The following PDE1C variants were observed in gnomAD, a reference collection of about 807,000 sequenced individuals.
PDE1C encodes phosphodiesterase 1C.
In PDE1C, 62 loss-of-function variants were observed where a neutral mutation model predicts 93.1. The observed-to-expected ratio is 0.67, with a 90% confidence interval of 0.54 to 0.82. The LOEUF is 0.82. Among genes scored for constraint, PDE1C ranks in the 40% least tolerant of loss-of-function variants. The pLI is 0.00. For missense variants in PDE1C, 742 were observed against 884.6 expected (o/e 0.84, Z 2.04); for synonymous variants, 325 against 310.1 (o/e 1.05, Z -0.50).
the PDE1C span, among the ~76,000 whole-genome samples, chr7:31,663,892 A>G: frequency 6.6e-6 from 1 of 152,152 alleles, no homozygotes; most frequent in African/African-American, 2.4e-5. Flanking sequence ...TTCTTTTTCC[A>G]GGATTACAGT....
intron 1 of PDE1C, among the ~76,000 whole-genome samples, chr7:32,341,975 G>C (rs1163609315): frequency 6.6e-6 from 1 of 152,078 alleles, no homozygotes; most frequent in Admixed American, 6.6e-5. Context: ...GATTAAATGA[G>C]TTAGTACATT....
At chr7:31,882,260 C>A (rs1352442308) in intron 2 of PDE1C, among the ~76,000 whole-genome samples, 3 of 152,166 alleles carry the variant, frequency 2.0e-5, no homozygotes, top group Non-Finnish European at 4.4e-5. Flanking sequence ...GAGGCCCCTG[C>A]AGGCTTGGAG....
chr7:32,070,540 A>C (rs1795921961), upstream of PDE1C: 1 of 1,474,026 alleles, frequency 6.8e-7, no homozygotes, highest in South Asian at 1.4e-5. Context: ...CTGCGCCCCC[A>C]GACTCCGACT....
the PDE1C span, among the ~76,000 whole-genome samples, chr7:31,738,479 A>G: frequency 1.3e-5 from 2 of 152,228 alleles, no homozygotes; most frequent in South Asian, 2.1e-4. Context: ...AACTGCCCCC[A>G]GGATTCAGTT....
intron 1 of PDE1C, among the ~76,000 whole-genome samples, chr7:32,358,016 A>T (rs1784064888): frequency 6.6e-6 from 1 of 152,194 alleles, no homozygotes; most frequent in Non-Finnish European, 1.5e-5. Context: ...ACCCCAGCAG[A>T]GGCCTGCTGA....
At chr7:31,795,814 T>A (rs531841095) in intron 16 of PDE1C, among the ~76,000 whole-genome samples, 2 of 151,712 alleles carry the variant, frequency 1.3e-5, no homozygotes, top group African/African-American at 4.8e-5. Context: ...TTAATAGATA[T>A]TCCCCAAATT....
At chr7:31,798,178 G>A (rs1785540726) in intron 16 of PDE1C, among the ~76,000 whole-genome samples, 1 of 151,786 alleles carries the variant, frequency 6.6e-6, no homozygotes, top group East Asian at 1.9e-4. Context: ...CATATGTGGA[G>A]TATATATTTC....
the PDE1C span, among the ~76,000 whole-genome samples, chr7:31,629,454 G>A: frequency 6.6e-6 from 1 of 152,186 alleles, no homozygotes; most frequent in African/African-American, 2.4e-5. Flanking sequence ...AACACAGCTT[G>A]TAGGGAGGGG....
exon 1 of PDE1C, chr7:32,298,794 C>A (rs554864514): frequency 3.9e-5 from 60 of 1,537,006 alleles, no homozygotes; most frequent in Admixed American, 1.2e-4. Flanking sequence ...CGGTCCCCCC[C>A]ACGGCGGAGT....
the PDE1C span, among the ~76,000 whole-genome samples, chr7:31,665,004 C>T: frequency 6.6e-6 from 1 of 152,164 alleles, no homozygotes; most frequent in Non-Finnish European, 1.5e-5. Flanking sequence ...CCACTCCTTA[C>T]CAAAATCTGC....
chr7:32,357,664 G>T (rs959425231), intron 1 of PDE1C, among the ~76,000 whole-genome samples: 1 of 152,164 alleles, frequency 6.6e-6, no homozygotes, highest in African/African-American at 2.4e-5. Context: ...ACAAGCCCCC[G>T]TTCTGTTTCC....
intron 16 of PDE1C, among the ~76,000 whole-genome samples, chr7:31,803,514 G>A (rs1048826702): frequency 3.3e-5 from 5 of 151,516 alleles, no homozygotes; most frequent in South Asian, 2.1e-4. Context: ...TTAACTCGTC[G>A]TTTAGCATTA....
At position 32,188,825 on chromosome 7, in the gene PDE1C, T is replaced by A. The variant is rs370953574; in HGVS notation, c.137-18869A>T. ...GCAAAAAAACTCATAAAGAGCTTGTTAATTTTCACAAGGCAAGGTATGTGT... is the reference window on the plus strand; with the variant it reads ...GCAAAAAAACTCATAAAGAGCTTGTAAATTTTCACAAGGCAAGGTATGTGT... On this transcript the variant is annotated intron_variant, in intron 2 of 18. Coordinates refer to the PDE1C transcript ENST00000396193. 2.0e-5 allele frequency among the ~76,000 whole-genome samples: 3 copies of A among 152,190 alleles called. No homozygotes were observed. The East Asian group carries it at 5.8e-4, about 29-fold the overall frequency.
the PDE1C span, among the ~76,000 whole-genome samples, chr7:31,624,965 C>T: frequency 6.6e-6 from 1 of 152,114 alleles, no homozygotes; most frequent in Non-Finnish European, 1.5e-5. Context: ...GGGCAAAGGA[C>T]ATGAATAGAC....
upstream of PDE1C, chr7:32,070,782 G>A: frequency 8.9e-6 from 9 of 1,008,548 alleles, no homozygotes; most frequent in Non-Finnish European, 1.1e-5. Flanking sequence ...TAAAGGGTTT[G>A]GAGGTGAAAA....
At chr7:31,993,695 CA>C (rs1784406096) in intron 2 of PDE1C, among the ~76,000 whole-genome samples, 1 of 152,006 alleles carries the variant, frequency 6.6e-6, no homozygotes, top group South Asian at 2.1e-4. Context: ...CCAACATAAA[CA>C]AAAGATTAAA....
At chr7:31,934,345 G>T (rs892775438) in intron 2 of PDE1C, among the ~76,000 whole-genome samples, 7 of 152,068 alleles carry the variant, frequency 4.6e-5, no homozygotes, top group African/African-American at 1.4e-4. Flanking sequence ...CATAGCTAAG[G>T]TTCTTAGCCT....
chr7:31,762,308 A>G (rs1191977305), intron 17 of PDE1C, among the ~76,000 whole-genome samples: 5 of 152,134 alleles, frequency 3.3e-5, no homozygotes. Flanking sequence ...GGTATATTTC[A>G]TATTAAAAAC....
chr7:31,866,406 G>T (rs905258812), intron 6 of PDE1C, among the ~76,000 whole-genome samples: 1 of 152,158 alleles, frequency 6.6e-6, no homozygotes, highest in African/African-American at 2.4e-5. Context: ...GTTTCACAGA[G>T]ATCTAAGAGT....
Sources: allele counts gnomAD v4.1 joint callset (sites outside exome capture counted in the v4.1 genomes callset), GRCh38; gene constraint gnomAD v4.1.1; transcripts MANE v1.5; gene names NCBI Gene and HGNC (gene_info 2026-07-23, HGNC 2026-07-21).